DIAPH3: variants seen among roughly 807,000 people sequenced by gnomAD.
DIAPH3 encodes the protein diaphanous related formin 3.
DIAPH3 carries 117 observed loss-of-function variants against 144.3 expected under a neutral mutation model. That is an observed-to-expected ratio of 0.81 (90% confidence interval 0.70 to 0.95). The LOEUF is 0.95. Ranked by LOEUF, DIAPH3 falls within the 40% of genes least tolerant of loss-of-function variation. The pLI is 0.00. For synonymous variants in DIAPH3, 519 were observed against 488.9 expected (o/e 1.06, Z -0.81); for missense variants, 1,421 against 1,412.7 (o/e 1.01, Z -0.09).
chr13:60,044,964 G>A (rs1344971890), intron 4 of DIAPH3, among the ~76,000 whole-genome samples: 1 of 152,140 alleles, frequency 6.6e-6, no homozygotes, highest in Admixed American at 6.6e-5. Context: ...ATGTGACTTT[G>A]CTCTTCCTTT....
chr13:60,091,482 A>G (rs971540573), intron 4 of DIAPH3, among the ~76,000 whole-genome samples: 1 of 151,916 alleles, frequency 6.6e-6, no homozygotes, highest in Admixed American at 6.6e-5. Context: ...ATCTTTTGTC[A>G]AGACAGGGTC....
At chr13:59,900,293 T>C (rs2046358475) in intron 20 of DIAPH3, among the ~76,000 whole-genome samples, 1 of 152,204 alleles carries the variant, frequency 6.6e-6, no homozygotes, top group Non-Finnish European at 1.5e-5. Flanking sequence ...GTATTAGAGA[T>C]TATTCCATTT....
Position 60,057,037 on chromosome 13 carries a change from C to G in DIAPH3, c.496-14217G>C, listed in dbSNP as rs1247494110. Reference sequence around the variant, plus strand: ...TCACTTTCACCACTTCCATTCAACACCGTACTGGAAGTCCTAGCCAGAGCA... The same window carrying G: ...TCACTTTCACCACTTCCATTCAACAGCGTACTGGAAGTCCTAGCCAGAGCA... On this transcript the variant is annotated intron_variant, in intron 4 of 27. Transcript: ENST00000400324. 2.6e-5 allele frequency among the ~76,000 whole-genome samples: 4 copies of G among 151,828 alleles called. No individual in the cohort carries two copies. The East Asian group carries it at 7.7e-4, about 29-fold the overall frequency.
At chr13:60,156,976 A>C in intron 1 of DIAPH3, among the ~76,000 whole-genome samples, 1 of 108,714 alleles carries the variant, frequency 9.2e-6, no homozygotes, top group Non-Finnish European at 1.8e-5. Context: ...GAGGAGTCTC[A>C]CTCTGTCACC....
intron 1 of DIAPH3, among the ~76,000 whole-genome samples, chr13:60,149,988 T>C (rs570547816): frequency 6.6e-6 from 1 of 152,144 alleles, no homozygotes; most frequent in African/African-American, 2.4e-5. Flanking sequence ...ACTCCTACAT[T>C]GTTGGACTTT....
At chr13:59,864,481 T>C (rs1459191643) in intron 21 of DIAPH3, among the ~76,000 whole-genome samples, 2 of 151,736 alleles carry the variant, frequency 1.3e-5, no homozygotes, top group African/African-American at 4.8e-5. Context: ...ACAATCACCA[T>C]CTACCTTCAC....
chr13:59,976,869 C>A (rs549431224), intron 14 of DIAPH3, among the ~76,000 whole-genome samples: 2 of 151,680 alleles, frequency 1.3e-5, no homozygotes, highest in Non-Finnish European at 2.9e-5. Context: ...TCAAGACAGA[C>A]GAAAAAACAT....
chr13:59,809,328 TC>T (rs1489641807), intron 25 of DIAPH3, among the ~76,000 whole-genome samples: 1 of 151,914 alleles, frequency 6.6e-6, no homozygotes, highest in Non-Finnish European at 1.5e-5. Context: ...ACGGCGAAAC[TC>T]GGTCTCTACT....
Position 59,868,058 on chromosome 13 carries a change from G to A in DIAPH3, c.2608-6522C>T, listed in dbSNP as rs187641856. 4.9e-3 allele frequency among the ~76,000 whole-genome samples: 739 copies of A among 151,684 alleles called. 7 individuals carry two copies. Among genetic ancestry groups the A allele is most frequent in the African/African-American group, 0.017 (694 of 41,374 alleles). ...TCATGGCAGGGTCGCAGTGAGACTG[G>A]CACTTTCATAGTGCCAGTCTATGAA... On this transcript the variant is annotated intron_variant, in intron 21 of 27. Transcript: ENST00000400324.
chr13:59,749,519 CA>C (rs60918644), intron 27 of DIAPH3, among the ~76,000 whole-genome samples: 4,031 of 51,078 alleles, frequency 0.079, 20 homozygotes, highest in African/African-American at 0.12. Context: ...GACTCCATCT[CA>C]AAAAAAAAAA....
chr13:59,929,425 C>A (rs1410427099), intron 17 of DIAPH3, among the ~76,000 whole-genome samples: 1 of 148,774 alleles, frequency 6.7e-6, no homozygotes. Context: ...TTCTGGGCTA[C>A]TAGTTCTGCT....
At chr13:59,710,339 A>T (rs1026144352) in intron 27 of DIAPH3, among the ~76,000 whole-genome samples, 12 of 151,976 alleles carry the variant, frequency 7.9e-5, no homozygotes, top group South Asian at 2.1e-4. Context: ...AAAGATCTTA[A>T]AAAAAAACCC....
In DIAPH3 at chr13:59,914,161, A is replaced by T. The variant is rs138802126; in HGVS notation, c.2265+1994T>A. Among the ~76,000 whole-genome samples, 804 of 152,302 alleles carry T rather than the reference A, an allele frequency of 5.3e-3. 11 individuals are homozygous for T. Among genetic ancestry groups the T allele is most frequent in the African/African-American group, 0.018 (759 of 41,570 alleles). On this transcript the variant is annotated intron_variant, in intron 19 of 27. Transcript: ENST00000400324. ...ACTGCTGACCTGTACATATATATGA[A>T]TAAGTAACTAAATATGTCAAAATAT...
chr13:59,744,932 T>C (rs911382363), intron 27 of DIAPH3, among the ~76,000 whole-genome samples: 6 of 152,040 alleles, frequency 3.9e-5, no homozygotes, highest in African/African-American at 1.4e-4. Flanking sequence ...ATGAGAACAC[T>C]CAGGGAGAGA....
At chr13:59,983,962 A>C (rs776584327) in intron 12 of DIAPH3, 75 bp from the exon 13 acceptor site, 4 of 938,030 alleles carry the variant, frequency 4.3e-6, no homozygotes, top group Admixed American at 3.7e-5. Flanking sequence ...CTTTTTGGCT[A>C]AGATTGATTT....
chr13:59,984,423 A>G (rs1304379087), intron 12 of DIAPH3, among the ~76,000 whole-genome samples: 1 of 151,778 alleles, frequency 6.6e-6, no homozygotes, highest in Non-Finnish European at 1.5e-5. Context: ...AAAATTCAGT[A>G]TAATAATATT....
chr13:59,983,450 A>G (rs1012518773), intron 13 of DIAPH3, among the ~76,000 whole-genome samples: 57 of 151,544 alleles, frequency 3.8e-4, no homozygotes, highest in African/African-American at 1.4e-3. Flanking sequence ...GACCTTATCA[A>G]AGGCATTCTT....
intron 20 of DIAPH3, among the ~76,000 whole-genome samples, chr13:59,898,152 AAAAAG>A: frequency 1.3e-5 from 2 of 150,268 alleles, no homozygotes; most frequent in South Asian, 2.1e-4. Context: ...AAAAAAAAAA[AAAAAG>A]AAAAAGAAAA....
chr13:60,006,959 A>C (rs558984739), intron 9 of DIAPH3, among the ~76,000 whole-genome samples: 3 of 152,348 alleles, frequency 2.0e-5, no homozygotes, highest in South Asian at 4.1e-4. Context: ...AAGAGAACCA[A>C]ATCACAACAT....
Sources: gnomAD v4.1 joint callset for allele counts (sites outside exome capture counted in the v4.1 genomes callset) on GRCh38, gnomAD v4.1.1 for gene constraint, MANE v1.5 for transcripts, NCBI Gene and HGNC (gene_info 2026-07-23, HGNC 2026-07-21) for gene names.